GRIN2D: variants seen among roughly 807,000 people sequenced by gnomAD.
GRIN2D encodes glutamate ionotropic receptor NMDA type subunit 2D, also known as glutamate receptor ionotropic, NMDA 2D.
In GRIN2D, 37 loss-of-function variants were observed where a neutral mutation model predicts 103.2. That is an observed-to-expected ratio of 0.36 (90% CI 0.28 to 0.47). The LOEUF is 0.47. Ranked by LOEUF, GRIN2D falls within the 20% of genes least tolerant of loss-of-function variation. The pLI is 1.00. For synonymous variants in GRIN2D, 845 were observed against 885.6 expected (o/e 0.95, Z 0.81); for missense variants, 1,557 against 1,910.6 (o/e 0.81, Z 3.45).
intron 4 of GRIN2D, among the ~76,000 whole-genome samples, chr19:48,406,164 G>A (rs1170298748): frequency 6.6e-6 from 1 of 152,112 alleles, no homozygotes; most frequent in Non-Finnish European, 1.5e-5. Context: ...CGTCCATTCC[G>A]ATAGGCTAGA....
Position 48,398,414 on chromosome 19 carries a change from C to A in GRIN2D, c.22C>A (p.Arg8Ser), listed in dbSNP as rs2147434074. The A allele has an allele frequency of 5.4e-6, 6 of 1,118,210 alleles. No homozygotes were observed. The highest frequency in any genetic ancestry group is 6.5e-6 in the Non-Finnish European group (6 of 916,160). 69.3% of individuals were successfully genotyped at this position (1,118,210 alleles called of 1,614,324 possible). Residue 8 changes from arginine to serine, a missense_variant, in exon 3 of 14, where the codon CGC becomes AGC. Coordinates refer to ENST00000263269, the MANE Select transcript of GRIN2D (RefSeq NM_000836.4). MRGAGGP[R>S]GPRGPAKMLL... ...GGCGATGCGCGGCGCCGGTGGCCCC[C>A]GCGGCCCTCGGGGCCCCGCTAAGAT... is the stretch of plus-strand genomic sequence containing the variant.
In GRIN2D at chr19:48,394,258, G is replaced by T. The variant is rs554448693; in HGVS notation, c.-306+390G>T. Reference sequence around the variant, plus strand: ...GGGGGAATCCCAGGGAAGTGAGATCGTGCGTGTGTGCGTGAGTGTATGTGT... The same window carrying T: ...GGGGGAATCCCAGGGAAGTGAGATCTTGCGTGTGTGCGTGAGTGTATGTGT... On this transcript the variant is annotated intron_variant, in intron 1 of 13. Coordinates refer to ENST00000263269, the MANE Select transcript of GRIN2D (RefSeq NM_000836.4). The surrounding 1 kb of genome is among the most constrained non-coding windows in gnomAD (Gnocchi z 5.1). Among the ~76,000 whole-genome samples the T allele has an allele frequency of 5.3e-4, 80 of 151,970 alleles. 2 individuals carry two copies. The highest frequency in any genetic ancestry group is 5.2e-3 in the Admixed American group (80 of 15,258).
intron 11 of GRIN2D, among the ~76,000 whole-genome samples, chr19:48,423,300 G>A (rs1369613619): frequency 2.0e-5 from 3 of 152,110 alleles, no homozygotes; most frequent in Non-Finnish European, 4.4e-5. Context: ...CTCTCTCCCC[G>A]TCCTGCATTT....
intron 10 of GRIN2D, 130 bp downstream of exon 10, chr19:48,419,944 G>T: frequency 3.6e-6 from 2 of 550,444 alleles, no homozygotes; most frequent in Admixed American, 3.1e-5. Flanking sequence ...GGCGGGAAGG[G>T]GTCTCTTCCC....
intron 11 of GRIN2D, among the ~76,000 whole-genome samples, chr19:48,425,840 G>T (rs77935146): frequency 1.3e-5 from 2 of 152,038 alleles, no homozygotes; most frequent in East Asian, 3.9e-4. Context: ...TACAAAAAGC[G>T]TGCAACTCAT....
At chr19:48,412,378 A>G (rs1417499547) in intron 4 of GRIN2D, among the ~76,000 whole-genome samples, 6 of 150,206 alleles carry the variant, frequency 4.0e-5, no homozygotes, top group Admixed American at 2.0e-4. Flanking sequence ...TTTAAAAAAA[A>G]GAAAAGAAGA....
intron 8 of GRIN2D, among the ~76,000 whole-genome samples, chr19:48,416,478 C>A (rs1315291618): frequency 6.6e-6 from 1 of 152,158 alleles, no homozygotes; most frequent in Non-Finnish European, 1.5e-5. Context: ...AGAGAGCCCT[C>A]CAAATTGTGC....
intron 11 of GRIN2D, among the ~76,000 whole-genome samples, chr19:48,426,022 C>A (rs1277935620): frequency 6.6e-6 from 1 of 151,958 alleles, no homozygotes; most frequent in Non-Finnish European, 1.5e-5. Context: ...CATATAATAC[C>A]TTCCTGTCTG....
intron 4 of GRIN2D, among the ~76,000 whole-genome samples, chr19:48,407,341 CTT>C (rs1970805406): frequency 6.6e-6 from 1 of 152,014 alleles, no homozygotes; most frequent in South Asian, 2.1e-4. Context: ...CTCTCTCTCT[CTT>C]TCTCTTTGTT....
chr19:48,395,693 A>G (rs759274510), intron 2 of GRIN2D, among the ~76,000 whole-genome samples: 6 of 151,816 alleles, frequency 4.0e-5, no homozygotes, highest in Non-Finnish European at 7.4e-5. Flanking sequence ...AGGCTGTGCT[A>G]TGTACAGGAT....
Position 48,393,722 on chromosome 19 carries a change from C to T in GRIN2D, c.-452C>T, listed in dbSNP as rs1362263608. Among the ~76,000 whole-genome samples, 4 of 152,056 alleles carry T rather than the reference C, an allele frequency of 2.6e-5. No individual in the cohort carries two copies. Among genetic ancestry groups the T allele is most frequent in the Non-Finnish European group, 5.9e-5 (4 of 67,992 alleles). ...ACAGCGAGTGTGTGAGTCCCTCCCGCTCCAGCTCCTCCAAGCCGCGGCCGC... is the reference window on the plus strand; with the variant it reads ...ACAGCGAGTGTGTGAGTCCCTCCCGTTCCAGCTCCTCCAAGCCGCGGCCGC... On this transcript the variant is annotated 5_prime_UTR_variant, in exon 1 of 14. Coordinates refer to ENST00000263269, the MANE Select transcript of GRIN2D (RefSeq NM_000836.4). This position sits in a 1 kb window ranked among gnomAD's most constrained non-coding sequence, Gnocchi z 5.6.
Position 48,399,176 on chromosome 19 carries a change from G to A in GRIN2D, c.465+319G>A, listed in dbSNP as rs187084446. On this transcript the variant is annotated intron_variant, in intron 3 of 13. Coordinates refer to ENST00000263269, the MANE Select transcript of GRIN2D (RefSeq NM_000836.4). ...GGTCTGTAGTAAAGGCGAGTCGAGG[G>A]AAGGGTTAGGGGCTGGGAACGAAAA... 8.2e-4 allele frequency among the ~76,000 whole-genome samples: 125 copies of A among 152,300 alleles called. 1 individual carries two copies. Among genetic ancestry groups the A allele is most frequent in the Middle Eastern group, 3.4e-3 (1 of 294 alleles).
At chr19:48,402,168 G>GAA (rs754486729) in intron 3 of GRIN2D, among the ~76,000 whole-genome samples, 21 of 145,906 alleles carry the variant, frequency 1.4e-4, no homozygotes, top group African/African-American at 4.1e-4. Context: ...AAGAAAGAAA[G>GAA]AGAGAAAAGA....
intron 11 of GRIN2D, among the ~76,000 whole-genome samples, chr19:48,426,864 C>T (rs938903830): frequency 2.6e-5 from 4 of 151,532 alleles, no homozygotes; most frequent in African/African-American, 9.7e-5. Context: ...GGATTACAGG[C>T]GTGAGCCACC....
In GRIN2D at chr19:48,443,848, C is replaced by A; in HGVS notation, c.3922C>A (p.Pro1308Thr). The A allele has an allele frequency of 6.7e-7, 1 of 1,484,662 alleles. No homozygotes were observed. The highest frequency in any genetic ancestry group is 8.9e-7 in the Non-Finnish European group (1 of 1,125,744). The allele number at this position is 1,484,662 out of a possible 1,614,324, so 92.0% of individuals were successfully genotyped here. A position where few individuals can be genotyped will look rare whatever the true frequency, so the allele number is the denominator to read the frequency against. The change falls in exon 14 of 14, where the codon CCC (proline) becomes ACC (threonine). Residue 1308 changes from proline (P) to threonine (T), a missense_variant. Physicochemically the swap from Pro to Thr is conservative, Grantham distance 38. Around this residue, in one of 7 missense-constraint regions of GRIN2D, gnomAD observed 88 missense variants for 84.3 expected, o/e 1.04. Transcript: ENST00000263269. This position sits in a 1 kb window ranked among gnomAD's most constrained non-coding sequence, Gnocchi z 8.9. ...CGCCGCGCACTGGGGGCCGCCGCTG[C>A]CCACAGCTTCCCACCGGAGACACCG... Reference protein sequence around the residue: ...PHAAHWGPPLPTASHRRHRGG... With the variant: ...PHAAHWGPPLTTASHRRHRGG...
chr19:48,398,337 C>A, intron 2 of GRIN2D, 30 bp from the exon 3 acceptor site: 1 of 971,348 alleles, frequency 1.0e-6, no homozygotes, highest in Non-Finnish European at 1.3e-6. Context: ...CCTCCCTCTC[C>A]TCCCCGTCTC....
rs1273701038 is a variant in GRIN2D, at chr19:48,442,675, A to G, written c.2749A>G (p.Ser917Gly). The G allele has an allele frequency of 1.9e-5, 24 of 1,290,560 alleles. No individual in the cohort carries two copies. Among genetic ancestry groups the G allele is most frequent in the Admixed American group, 3.8e-5 (1 of 26,452 alleles). 79.9% of individuals were successfully genotyped at this position (1,290,560 alleles called of 1,614,324 possible). The stretch of plus-strand genomic sequence containing the variant: ...CCCGCCGCCGCCACAGCCCCTGCCC[A>G]GCCCCGCGTACCCCGCGCCGCGGCC... ...KPPPPPQPLPSPAYPAPRPAP... is the reference protein window; with the variant it reads ...KPPPPPQPLPGPAYPAPRPAP... The change falls in exon 14 of 14, where the codon AGC becomes GGC. Residue 917 changes from serine to glycine, a missense_variant. Transcript: ENST00000263269. The surrounding 1 kb of genome is among the most constrained non-coding windows in gnomAD (Gnocchi z 7.2).
rs138100955 is a variant in GRIN2D, at chr19:48,414,081, C to T, written c.1176C>T (p.Leu392=). ...LVNPSLVVIS[L]TRDRTWEVVG... Reference sequence around the variant, plus strand: ...ACCCCTCCCTGGTGGTCATCTCCCTCACCAGAGACAGGACGTGGGAGGTGG... The same window carrying T: ...ACCCCTCCCTGGTGGTCATCTCCCTTACCAGAGACAGGACGTGGGAGGTGG... The change falls in exon 5 of 14, where the codon CTC becomes CTT. Residue 392 remains leucine (L), a synonymous_variant. Transcript: ENST00000263269. This position sits in a 1 kb window ranked among gnomAD's most constrained non-coding sequence, Gnocchi z 4.6. 3.1e-6 allele frequency: 5 copies of T among 1,607,644 alleles called. No individual in the cohort carries two copies. The highest frequency in any genetic ancestry group is 3.4e-6 in the Non-Finnish European group (4 of 1,174,218).
In GRIN2D at chr19:48,393,998, C is replaced by T. The variant is rs1315284251; in HGVS notation, c.-306+130C>T. Among the ~76,000 whole-genome samples the T allele has an allele frequency of 1.3e-5, 2 of 151,784 alleles. No homozygotes were observed. Among genetic ancestry groups the T allele is most frequent in the Non-Finnish European group, 2.9e-5 (2 of 67,944 alleles). On this transcript the variant is annotated intron_variant, in intron 1 of 13. Transcript: ENST00000263269. This position sits in a 1 kb window ranked among gnomAD's most constrained non-coding sequence, Gnocchi z 5.6. ...GACCCTGAGCTGCCTGCCTGGGTGT[C>T]GTGGGGCTCCCGCTCCTTCCCCCCG... is the stretch of plus-strand genomic sequence containing the variant.
Sources: allele counts gnomAD v4.1 joint callset (sites outside exome capture counted in the v4.1 genomes callset), GRCh38; gene constraint gnomAD v4.1.1; regional missense constraint gnomAD v4.1.1; non-coding constraint Gnocchi (gnomAD v3.1); transcripts MANE v1.5; gene names NCBI Gene and HGNC (gene_info 2026-07-23, HGNC 2026-07-21).